Variants in SLX9 observed in about 807,000 individuals in gnomAD.
SLX9 encodes ribosome biogenesis protein SLX9 homolog.
In SLX9, 19 loss-of-function variants were observed where a neutral mutation model predicts 20.8. The ratio of observed to expected loss-of-function variants is 0.91; its 90% CI spans 0.64 to 1.34. SLX9 has a LOEUF of 1.34. SLX9 is among the 40% of genes most tolerant of loss of function. The pLI is 0.00. For synonymous variants in SLX9, 113 were observed against 137.1 expected (o/e 0.82, Z 1.23); for missense variants, 299 against 322.2 (o/e 0.93, Z 0.55).
chr21:44,970,578 G>A (rs560609409), intron 4 of SLX9, among the ~76,000 whole-genome samples: 3 of 152,328 alleles, frequency 2.0e-5, no homozygotes, highest in Non-Finnish European at 2.9e-5. Context: ...GGGGTTTGGC[G>A]TGCCTGGGCG....
chr21:44,940,580 G>A (rs2084524401), intron 1 of SLX9, among the ~76,000 whole-genome samples: 1 of 151,950 alleles, frequency 6.6e-6, no homozygotes, highest in African/African-American at 2.4e-5. Flanking sequence ...CGGCTGGCCT[G>A]TTTCTCCATC....
chr21:44,961,197 C>T (rs959943013), intron 3 of SLX9, among the ~76,000 whole-genome samples: 8 of 152,016 alleles, frequency 5.3e-5, no homozygotes, highest in African/African-American at 1.9e-4. Flanking sequence ...GGCTGTAATT[C>T]TTTGATGATG....
intron 2 of SLX9, chr21:44,959,087 G>A (rs2084909363): frequency 2.6e-6 from 1 of 386,268 alleles, no homozygotes; most frequent in African/African-American, 2.2e-5. Context: ...CCAGGAAGCT[G>A]TGGGAGGGGA....
chr21:44,963,656 G>A, intron 3 of SLX9, among the ~76,000 whole-genome samples: 1 of 151,662 alleles, frequency 6.6e-6, no homozygotes, highest in East Asian at 1.9e-4. Context: ...AGCACCATTT[G>A]TTATAAGTAC....
chr21:44,947,626 C>T (rs2084668030), intron 2 of SLX9, among the ~76,000 whole-genome samples: 1 of 146,516 alleles, frequency 6.8e-6, no homozygotes, highest in South Asian at 2.1e-4. Context: ...TGTTTTTTTT[C>T]AAGCCCTTCG....
intron 5 of SLX9, among the ~76,000 whole-genome samples, chr21:44,974,152 A>G (rs909775792): frequency 2.0e-5 from 3 of 152,094 alleles, no homozygotes; most frequent in Non-Finnish European, 4.4e-5. Context: ...GCCACATTTT[A>G]CGCCCTTGTA....
intron 2 of SLX9, chr21:44,958,204 T>A (rs982894550): frequency 6.6e-6 from 1 of 152,418 alleles, no homozygotes; most frequent in African/African-American, 2.4e-5. Context: ...TTGGTGACCT[T>A]CCCCTCCCCA....
chr21:44,942,429 G>A (rs1176494263), intron 1 of SLX9, among the ~76,000 whole-genome samples: 1 of 152,090 alleles, frequency 6.6e-6, no homozygotes, highest in Non-Finnish European at 1.5e-5. Flanking sequence ...CTGTGGGTGA[G>A]GGAGACCAAG....
At chr21:44,954,485 C>G (rs778233923) in intron 2 of SLX9, among the ~76,000 whole-genome samples, 1 of 152,116 alleles carries the variant, frequency 6.6e-6, no homozygotes, top group Non-Finnish European at 1.5e-5. Context: ...CTCCGGCCGT[C>G]GGCAGGTTTG....
chr21:44,965,732 C>T (rs2085022150), intron 3 of SLX9, among the ~76,000 whole-genome samples: 3 of 152,186 alleles, frequency 2.0e-5, no homozygotes, highest in Admixed American at 6.5e-5. Context: ...AGGCTTCTGG[C>T]TTTGGCTTGC....
chr21:44,954,258 G>C (rs1455278305), intron 2 of SLX9, among the ~76,000 whole-genome samples: 2 of 152,200 alleles, frequency 1.3e-5, no homozygotes, highest in Non-Finnish European at 2.9e-5. Context: ...AGATCCCGTG[G>C]ACTCTGCGTC....
At chr21:44,955,109 C>T (rs1173871393) in intron 2 of SLX9, among the ~76,000 whole-genome samples, 3 of 151,252 alleles carry the variant, frequency 2.0e-5, no homozygotes, top group Admixed American at 1.3e-4. Flanking sequence ...CCAGCTGCTC[C>T]GGAGGCTGAG....
rs573708011 is a variant in SLX9 at position 44,950,236 on chromosome 21, C to CA, written c.283+6411dup. On this transcript the variant is annotated intron_variant, in intron 2 of 5. Transcript: ENST00000291634. ...CATTTTCTGCTATTTTCCAGTATCT[C>CA]AAAAAAAAAAAATCCCTTTTTTAAG... 1.9e-3 allele frequency among the ~76,000 whole-genome samples: 269 copies of CA among 144,390 alleles called. 2 individuals carry two copies. The highest frequency in any genetic ancestry group is 0.01 in the East Asian group (50 of 4,970). 94.7% of individuals were successfully genotyped at this position (144,390 alleles called of 152,430 possible).
chr21:44,964,995 TTCA>T (rs1203585429), intron 3 of SLX9, among the ~76,000 whole-genome samples: 1 of 152,238 alleles, frequency 6.6e-6, no homozygotes, highest in Non-Finnish European at 1.5e-5. Flanking sequence ...CCACTGAGTG[TTCA>T]TCAGCACTTT....
rs201080250 is a variant in SLX9 at position 44,967,028 on chromosome 21, C to A, written c.353-6C>A. On this transcript the variant is annotated splice_polypyrimidine_tract_variant and splice_region_variant and intron_variant, in intron 3 of 5. Coordinates refer to ENST00000291634, the MANE Select transcript of SLX9 (RefSeq NM_058190.4). ...TTTGCCTCTAACGTCGTTTCTCCTT[C>A]CTTAGAAATCGAAGCCATAAAACTG... 1.2e-5 allele frequency: 20 copies of A among 1,607,264 alleles called. No individual in the cohort carries two copies. The East Asian group carries it at 4.2e-4, about 34-fold the overall frequency.
chr21:44,957,786 C>G (rs1809574737), intron 2 of SLX9, among the ~76,000 whole-genome samples: 1 of 152,240 alleles, frequency 6.6e-6, no homozygotes, highest in South Asian at 2.1e-4. Flanking sequence ...CTAGCCTTGC[C>G]TCAGCCACTG....
chr21:44,945,372 A>G (rs575263326), intron 2 of SLX9, among the ~76,000 whole-genome samples: 3 of 152,308 alleles, frequency 2.0e-5, no homozygotes, highest in Non-Finnish European at 2.9e-5. Flanking sequence ...GCTGTCCCCA[A>G]GGGGATGGGA....
intron 1 of SLX9, 137 bp from the exon 2 acceptor site, chr21:44,943,547 C>A (rs1164112573): frequency 1.6e-6 from 2 of 1,226,924 alleles, no homozygotes; most frequent in Non-Finnish European, 2.3e-6. Context: ...GGTTGTTTCC[C>A]CCAGGTCCTC....
In SLX9 at chr21:44,967,072, G is replaced by C. The variant is rs2085049444; in HGVS notation, c.391G>C (p.Glu131Gln). Residue 131 changes from glutamate (E) to glutamine (Q), a missense_variant, in exon 4 of 6, where the codon GAG becomes CAG. Physicochemically the swap from Glu to Gln is conservative, Grantham distance 29. Transcript: ENST00000291634. ...AIKLAEQKHR[E>Q]ERRRRATVVV... is the part of the protein sequence containing the mutation. Reference sequence around the variant, plus strand: ...AAAACTGGCTGAGCAGAAGCACAGGGAGGAGCGGAGGCGGAGGGCCACGGT... The same window carrying C: ...AAAACTGGCTGAGCAGAAGCACAGGCAGGAGCGGAGGCGGAGGGCCACGGT... 1.9e-6 allele frequency: 3 copies of C among 1,611,710 alleles called. No homozygotes were observed. The highest frequency in any genetic ancestry group is 4.5e-5 in the East Asian group (2 of 44,866).
Sources: gnomAD v4.1 joint callset for allele counts (sites outside exome capture counted in the v4.1 genomes callset) on GRCh38, gnomAD v4.1.1 for gene constraint, MANE v1.5 for transcripts, NCBI Gene and HGNC (gene_info 2026-07-23, HGNC 2026-07-21) for gene names.